Variants in RDX observed in about 807,000 individuals in gnomAD.
The protein encoded by RDX is deafness, autosomal recessive 24.
Under a neutral mutation model 83.7 loss-of-function variants are expected in RDX, and 32 were observed. The ratio of observed to expected loss-of-function variants is 0.38; its 90% CI spans 0.29 to 0.51. RDX has a LOEUF of 0.51. Among genes scored for constraint, RDX ranks in the 20% least tolerant of loss-of-function variants. RDX has a pLI of 0.87. For synonymous variants in RDX, 229 were observed against 222.7 expected (o/e 1.03, Z -0.25); for missense variants, 600 against 689.9 (o/e 0.87, Z 1.46).
chr11:110,279,763 A>T lies in RDX; in HGVS notation c.-64-7T>A. On this transcript the variant is annotated splice_region_variant and splice_polypyrimidine_tract_variant and intron_variant, in intron 1 of 13. Coordinates refer to ENST00000645495, the MANE Select transcript of RDX (RefSeq NM_002906.4). Reference sequence around the variant, plus strand: ...TGAATTCTGTTATCACTTTCTGTTAAAAAAAAAAAAGCATAATCTATTATC... The same window carrying T: ...TGAATTCTGTTATCACTTTCTGTTATAAAAAAAAAAGCATAATCTATTATC... 6 of 481,158 alleles carry T rather than the reference A, an allele frequency of 1.2e-5. No individual in the cohort carries two copies. Among genetic ancestry groups the T allele is most frequent in the Non-Finnish European group, 2.0e-5 (6 of 304,874 alleles). The allele number at this position is 481,158 out of a possible 1,614,324, so 29.8% of individuals were successfully genotyped here.
At chr11:110,261,829 G>T (rs541368034) in intron 5 of RDX, among the ~76,000 whole-genome samples, 1 of 152,272 alleles carries the variant, frequency 6.6e-6, no homozygotes, top group South Asian at 2.1e-4. Flanking sequence ...AATAGAGTAG[G>T]TTAGAGCACA....
intron 10 of RDX, among the ~76,000 whole-genome samples, chr11:110,247,203 C>T (rs549622051): frequency 3.3e-5 from 5 of 152,018 alleles, no homozygotes; most frequent in African/African-American, 7.2e-5. Context: ...AAACAAAAAA[C>T]GTTATAACAC....
intron 14 of RDX, among the ~76,000 whole-genome samples, chr11:110,202,556 C>CCA (rs931579807): frequency 7.9e-5 from 12 of 151,780 alleles, no homozygotes; most frequent in African/African-American, 2.9e-4. Flanking sequence ...GAAGCTGGGA[C>CCA]CACATGTGTG....
intron 1 of RDX, among the ~76,000 whole-genome samples, chr11:110,293,237 A>G (rs988648978): frequency 3.9e-5 from 6 of 152,230 alleles, no homozygotes; most frequent in African/African-American, 1.4e-4. Flanking sequence ...CATTTTCTAT[A>G]AACAAGGAAT....
chr11:110,202,566 G>T (rs1018792085), intron 14 of RDX, among the ~76,000 whole-genome samples: 27 of 151,048 alleles, frequency 1.8e-4, no homozygotes, highest in Non-Finnish European at 2.9e-4. Flanking sequence ...CCACATGTGT[G>T]CTTCACTACA....
At chr11:110,249,274 C>T (rs1192721810) in intron 9 of RDX, among the ~76,000 whole-genome samples, 1 of 152,136 alleles carries the variant, frequency 6.6e-6, no homozygotes, top group East Asian at 1.9e-4. Flanking sequence ...AGAGCACTGC[C>T]ACCTACTGTC....
intron 15 of RDX, chr11:110,185,695 G>C (rs1302666389): frequency 6.6e-6 from 1 of 152,372 alleles, no homozygotes; most frequent in East Asian, 1.9e-4. Context: ...GATAAAGCTA[G>C]CACTAGAGAA....
intron 2 of RDX, chr11:110,273,137 A>G: frequency 2.2e-6 from 1 of 454,390 alleles, no homozygotes; most frequent in Non-Finnish European, 4.4e-6. Context: ...ACTTGAGCCT[A>G]GGAGTTTGAG....
At chr11:110,284,775 G>A (rs909351297) in intron 1 of RDX, among the ~76,000 whole-genome samples, 5 of 151,704 alleles carry the variant, frequency 3.3e-5, no homozygotes, top group East Asian at 1.9e-4. Flanking sequence ...CACCCGCCTC[G>A]GCCTCCCAAA....
chr11:110,244,655 C>A lies in RDX; in HGVS notation c.1090+3048G>T, dbSNP rs1042378054. Among the ~76,000 whole-genome samples, 5 of 152,176 alleles carry A rather than the reference C, an allele frequency of 3.3e-5. No homozygotes were observed. The East Asian group carries it at 9.7e-4, about 29-fold the overall frequency. The stretch of plus-strand genomic sequence containing the variant: ...AAAATTTATTATGATGATAGCTGTA[C>A]AACTTTGTGAATATACTAAAAACCC... On this transcript the variant is annotated intron_variant, in intron 10 of 13. Transcript: ENST00000645495.
intron 15 of RDX, among the ~76,000 whole-genome samples, chr11:110,182,286 T>A (rs1167383205): frequency 6.6e-6 from 1 of 152,138 alleles, no homozygotes; most frequent in Non-Finnish European, 1.5e-5. Context: ...CCCAGGACTT[T>A]GAGGAGGGTC....
In RDX at chr11:110,247,842, G is replaced by T; in HGVS notation, c.960-9C>A. 1 of 1,552,148 alleles carries T rather than the reference G, an allele frequency of 6.4e-7. No individual in the cohort carries two copies. On this transcript the variant is annotated splice_polypyrimidine_tract_variant and intron_variant, in intron 9 of 13. Coordinates refer to ENST00000645495, the MANE Select transcript of RDX (RefSeq NM_002906.4). ...CATTCTCTAATTGTGCCCTTAAAAG[G>T]AATTGCAATTGCTGTTACAAATTAA...
At chr11:110,194,545 C>T (rs1164049863) in intron 15 of RDX, among the ~76,000 whole-genome samples, 1 of 152,166 alleles carries the variant, frequency 6.6e-6, no homozygotes, top group African/African-American at 2.4e-5. Flanking sequence ...TCGTTTCTTG[C>T]ATTCCCAGGT....
At chr11:110,181,642 T>C (rs1288055138) in intron 15 of RDX, 1 of 152,558 alleles carries the variant, frequency 6.6e-6, no homozygotes, top group African/African-American at 2.4e-5. Context: ...CATTTTACAA[T>C]GTGTGGCTTT....
At chr11:110,238,077 C>G (rs1434261912) in intron 10 of RDX, among the ~76,000 whole-genome samples, 1 of 152,128 alleles carries the variant, frequency 6.6e-6, no homozygotes, top group African/African-American at 2.4e-5. Flanking sequence ...AAACAAATTG[C>G]CATGTTTCAG....
At chr11:110,279,883 A>T (rs1297080377) in intron 1 of RDX, 127 bp from the exon 2 acceptor site, 1 of 523,710 alleles carries the variant, frequency 1.9e-6, no homozygotes, top group Non-Finnish European at 3.4e-6. Flanking sequence ...GAGTGATTTC[A>T]TTCTCATTTT....
intron 15 of RDX, among the ~76,000 whole-genome samples, chr11:110,186,833 G>C (rs1248535895): frequency 6.6e-6 from 1 of 152,196 alleles, no homozygotes; most frequent in African/African-American, 2.4e-5. Context: ...TTTAATCCAG[G>C]CTCATACAAA....
intron 5 of RDX, among the ~76,000 whole-genome samples, chr11:110,259,766 T>C (rs756216219): frequency 5.9e-5 from 9 of 152,186 alleles, no homozygotes; most frequent in Non-Finnish European, 7.3e-5. Flanking sequence ...ACCATAATTA[T>C]ATGCCCAATG....
chr11:110,240,567 C>T (rs910948855), intron 10 of RDX, among the ~76,000 whole-genome samples: 2 of 150,142 alleles, frequency 1.3e-5, no homozygotes, highest in African/African-American at 4.9e-5. Context: ...CACGGTGAAA[C>T]CCCGTCTCTA....
Sources: allele counts gnomAD v4.1 joint callset (sites outside exome capture counted in the v4.1 genomes callset), GRCh38; gene constraint gnomAD v4.1.1; transcripts MANE v1.5; gene names NCBI Gene and HGNC (gene_info 2026-07-23, HGNC 2026-07-21).